The following VPS13B variants were observed in gnomAD, a reference collection of about 807,000 sequenced individuals.
The protein encoded by VPS13B is vacuolar protein sorting 13 homolog B.
A neutral mutation model predicts 426.4 loss-of-function variants in VPS13B; 285 were observed. The ratio of observed to expected loss-of-function variants is 0.67; its 90% confidence interval spans 0.61 to 0.74. The LOEUF (loss-of-function observed/expected upper bound fraction) is 0.74, where lower values mean the gene tolerates loss of function less well. Among genes scored for constraint, VPS13B ranks in the 30% least tolerant of loss-of-function variants. The probability of loss-of-function intolerance (pLI) is 0.00; values close to 1 mark genes in which losing one functional copy is unlikely to be tolerated. For synonymous variants in VPS13B, 1,676 were observed against 1,676.4 expected, an observed-to-expected ratio of 1.00 and a Z score of 0.01; for missense variants, 4,537 against 4,782.6, an observed-to-expected ratio of 0.95 and a Z score of 1.51.
At chr8:99,585,234 A>G (rs1826246866) in intron 33 of VPS13B, among the ~76,000 whole-genome samples, 1 of 152,220 alleles carries the variant, frequency 6.6e-6, no homozygotes, top group Non-Finnish European at 1.5e-5. Flanking sequence ...AGATACACTA[A>G]GAAGTGTATA....
chr8:99,520,881 C>A lies in VPS13B; in HGVS notation c.4634-18C>A. ...ACAGATCCACAGTGTATTCATGAAT[C>A]TCCTTCTTTTGTTACAGCTAATCAG... On this transcript the variant is annotated intron_variant, in intron 29 of 61. Transcript: ENST00000357162. The A allele has an allele frequency of 1.9e-6, 3 of 1,606,224 alleles. No individual in the cohort carries two copies. Among genetic ancestry groups the A allele is most frequent in the Non-Finnish European group, 2.6e-6 (3 of 1,173,052 alleles).
chr8:99,244,562 T>G (rs1422790520), intron 17 of VPS13B, among the ~76,000 whole-genome samples: 2 of 152,258 alleles, frequency 1.3e-5, no homozygotes, highest in Non-Finnish European at 2.9e-5. Flanking sequence ...AAAAATATTC[T>G]GAGGACCTAT....
chr8:99,175,830 C>A (rs1384724373), intron 16 of VPS13B, among the ~76,000 whole-genome samples: 1 of 152,108 alleles, frequency 6.6e-6, no homozygotes, highest in Non-Finnish European at 1.5e-5. Flanking sequence ...ACACATGGCA[C>A]CATTCAGAGC....
chr8:99,767,700 G>T (rs538215406), intron 40 of VPS13B, among the ~76,000 whole-genome samples: 3 of 152,228 alleles, frequency 2.0e-5, no homozygotes, highest in Non-Finnish European at 4.4e-5. Flanking sequence ...AGGCTAAGGC[G>T]GGTAGACTGC....
Position 99,275,262 on chromosome 8 carries a change from C to G in VPS13B, c.2824+8C>G, listed in dbSNP as rs1408160315. 6.9e-7 allele frequency: 1 copy of G among 1,450,210 alleles called. No homozygotes were observed. Among genetic ancestry groups the G allele is most frequent in the East Asian group, 2.6e-5 (1 of 38,120 alleles). 89.8% of individuals were successfully genotyped at this position (1,450,210 alleles called of 1,614,324 possible). On this transcript the variant is annotated splice_region_variant and intron_variant, in intron 19 of 61. Transcript: ENST00000357162. ...ACTACTGCCACAATTCCGGTAAGTA[C>G]AAACCTATCATTATTCCCTTGTTTT...
chr8:99,360,528 C>G (rs1812504783), intron 19 of VPS13B, among the ~76,000 whole-genome samples: 1 of 151,962 alleles, frequency 6.6e-6, no homozygotes, highest in South Asian at 2.1e-4. Context: ...CCGCCCGTCT[C>G]GGCCTCCTAA....
chr8:99,231,191 G>A (rs1324477237), intron 17 of VPS13B, among the ~76,000 whole-genome samples: 3 of 152,090 alleles, frequency 2.0e-5, no homozygotes, highest in African/African-American at 4.8e-5. Flanking sequence ...TTAGTTTCAT[G>A]TATAGAAATC....
intron 19 of VPS13B, among the ~76,000 whole-genome samples, chr8:99,372,894 G>A (rs922404092): frequency 6.6e-5 from 10 of 152,162 alleles, no homozygotes; most frequent in African/African-American, 1.9e-4. Flanking sequence ...ATTTACAATA[G>A]GAAAGACTTG....
intron 30 of VPS13B, among the ~76,000 whole-genome samples, chr8:99,547,458 T>G (rs1472969776): frequency 6.6e-6 from 1 of 152,046 alleles, no homozygotes; most frequent in African/African-American, 2.4e-5. Context: ...TATTTAACAT[T>G]TTGTGGATCT....
At chr8:99,340,897 CTG>C (rs1219806267) in intron 19 of VPS13B, 2 of 310,194 alleles carry the variant, frequency 6.4e-6, no homozygotes, top group Non-Finnish European at 1.3e-5. Context: ...GTCTGACTCT[CTG>C]TGGACTGTGG....
intron 19 of VPS13B, among the ~76,000 whole-genome samples, chr8:99,374,031 A>G (rs905617797): frequency 3.3e-5 from 5 of 152,202 alleles, no homozygotes; most frequent in Non-Finnish European, 5.9e-5. Context: ...TCATCTTTGA[A>G]GGACATTTTC....
chr8:99,577,309 A>C (rs895151851), intron 32 of VPS13B, among the ~76,000 whole-genome samples, 181 bp from the exon 33 acceptor site: 3 of 152,134 alleles, frequency 2.0e-5, no homozygotes, highest in Non-Finnish European at 4.4e-5. Context: ...ATAAATATGA[A>C]ATTCATCTGT....
At chr8:99,274,683 AGTT>A (rs1400142145) in intron 18 of VPS13B, among the ~76,000 whole-genome samples, 10 of 152,228 alleles carry the variant, frequency 6.6e-5, no homozygotes, top group African/African-American at 2.4e-4. Flanking sequence ...TAGGAGACCC[AGTT>A]GTTTTTAAAT....
chr8:99,028,744 C>T (rs1317996086), intron 2 of VPS13B, among the ~76,000 whole-genome samples: 3 of 143,184 alleles, frequency 2.1e-5, no homozygotes, highest in Non-Finnish European at 4.6e-5. Flanking sequence ...CCCTCCTGGA[C>T]GGGGCAACTG....
intron 19 of VPS13B, among the ~76,000 whole-genome samples, chr8:99,285,013 A>G (rs747940828): frequency 2.6e-4 from 40 of 152,306 alleles, no homozygotes; most frequent in Admixed American, 4.6e-4. Context: ...ATAGTACCCT[A>G]TATTAACCAG....
chr8:99,221,058 G>A (rs1209144139), intron 17 of VPS13B, among the ~76,000 whole-genome samples: 3 of 102,590 alleles, frequency 2.9e-5, no homozygotes, highest in Non-Finnish European at 3.9e-5. Flanking sequence ...TTGTTCTTGC[G>A]ATAGTTTACT....
intron 15 of VPS13B, among the ~76,000 whole-genome samples, chr8:99,157,718 G>A (rs1393551484): frequency 1.3e-5 from 2 of 152,168 alleles, no homozygotes; most frequent in Non-Finnish European, 2.9e-5. Context: ...AATGAAGAAG[G>A]CATGTCAAAA....
chr8:99,457,045 C>CTT (rs1454418736), intron 23 of VPS13B, among the ~76,000 whole-genome samples: 1 of 72,828 alleles, frequency 1.4e-5, no homozygotes, highest in East Asian at 3.6e-4. Context: ...TTTTTTTTTT[C>CTT]TTTTGAGACA....
chr8:99,492,735 T>A (rs984140600), intron 25 of VPS13B, among the ~76,000 whole-genome samples: 1 of 152,138 alleles, frequency 6.6e-6, no homozygotes, highest in African/African-American at 2.4e-5. Context: ...AGTGCAGTAT[T>A]TGGGCGAGAG....
Sources: allele counts gnomAD v4.1 joint callset (sites outside exome capture counted in the v4.1 genomes callset), GRCh38; gene constraint gnomAD v4.1.1; transcripts MANE v1.5; gene names NCBI Gene and HGNC (gene_info 2026-07-23, HGNC 2026-07-21).